The following SLC39A14 variants were observed in gnomAD, a reference collection of about 807,000 sequenced individuals.
The protein encoded by SLC39A14 is metal cation symporter ZIP14.
A neutral mutation model predicts 45.5 loss-of-function variants in SLC39A14; 19 were observed. The ratio of observed to expected loss-of-function variants is 0.42; its 90% CI spans 0.29 to 0.61. The LOEUF (loss-of-function observed/expected upper bound fraction) is 0.61, where lower values mean the gene tolerates loss of function less well. SLC39A14 is among the 20% of genes least tolerant of loss of function. The pLI is 0.22. For missense variants in SLC39A14, 447 were observed against 616.5 expected (o/e 0.73, Z 2.91); for synonymous variants, 264 against 251.3 (o/e 1.05, Z -0.48).
intron 2 of SLC39A14, among the ~76,000 whole-genome samples, chr8:22,407,522 G>A (rs1375111938): frequency 2.8e-4 from 43 of 151,646 alleles, no homozygotes; most frequent in Admixed American, 2.1e-3. Flanking sequence ...TACCACGCCC[G>A]GCTAATTTTT....
Position 22,420,925 on chromosome 8 carries a change from TTGAATA to T in SLC39A14, c.*1233_*1238del. On this transcript the variant is annotated 3_prime_UTR_variant, in exon 9 of 9. Coordinates refer to ENST00000381237, the MANE Select transcript of SLC39A14 (RefSeq NM_001128431.4). ...AAAAAAAGTCGAATCCTGCATTGAA[TTGAATA>T]TGAATTTCTCTAACTCTCTCCAGAA... The T allele has an allele frequency of 1.0e-6, 1 of 985,822 alleles. No homozygotes were observed. Among genetic ancestry groups the T allele is most frequent in the Non-Finnish European group, 1.2e-6 (1 of 829,932 alleles). 61.1% of individuals were successfully genotyped at this position (985,822 alleles called of 1,614,324 possible). A position where few individuals can be genotyped will look rare whatever the true frequency, so the allele number is the denominator to read the frequency against.
intron 2 of SLC39A14, among the ~76,000 whole-genome samples, chr8:22,407,863 G>A (rs913216918): frequency 4.6e-5 from 7 of 151,674 alleles, no homozygotes; most frequent in South Asian, 4.2e-4. Context: ...GGTATGTGCC[G>A]CCACACCTCA....
chr8:22,431,820 C>A (rs373478837), intron 8 of SLC39A14, among the ~76,000 whole-genome samples: 41 of 152,304 alleles, frequency 2.7e-4, no homozygotes, highest in African/African-American at 7.9e-4. Context: ...TCCAATGATT[C>A]TTGAGAATTG....
intron 1 of SLC39A14, among the ~76,000 whole-genome samples, chr8:22,368,757 C>T (rs1184497733): frequency 3.3e-5 from 5 of 151,966 alleles, no homozygotes; most frequent in South Asian, 2.1e-4. Flanking sequence ...AGGATGGTCT[C>T]GATCTCCTGA....
intron 1 of SLC39A14, among the ~76,000 whole-genome samples, chr8:22,373,765 GTTTTTT>G (rs10690749): frequency 7.2e-6 from 1 of 139,116 alleles, no homozygotes; most frequent in African/African-American, 2.6e-5. Context: ...TTGTTTTCTC[GTTTTTT>G]TTTTTTTTTC....
chr8:22,428,160 G>T (rs1171500154), intron 8 of SLC39A14, among the ~76,000 whole-genome samples: 1 of 152,100 alleles, frequency 6.6e-6, no homozygotes, highest in Non-Finnish European at 1.5e-5. Flanking sequence ...AGCTGGGTGT[G>T]GTGGCGCATG....
chr8:22,401,538 T>C (rs1173013300), intron 1 of SLC39A14, among the ~76,000 whole-genome samples: 3 of 129,966 alleles, frequency 2.3e-5, no homozygotes, highest in Admixed American at 1.5e-4. Flanking sequence ...CTTTCTCTTC[T>C]CTTTCTTTTT....
In SLC39A14 at chr8:22,412,140, G is replaced by A; in HGVS notation, c.561G>A (p.Leu187=). 6.4e-7 allele frequency: 1 copy of A among 1,551,726 alleles called. No homozygotes were observed. Among genetic ancestry groups the A allele is most frequent in the Non-Finnish European group, 8.7e-7 (1 of 1,147,008 alleles). Residue 187 remains leucine (L), a synonymous_variant, in exon 4 of 9, where the codon CTG becomes CTA. Transcript: ENST00000381237. The stretch of plus-strand genomic sequence containing the variant: ...AGAAGACCTTTTACAAGAGGCTGCT[G>A]CTCTACTTCATAGCTCTGGCGATTG... ...FMKKTFYKRL[L]LYFIALAIGT... is the part of the protein sequence containing the mutation.
At chr8:22,414,938 G>C in intron 5 of SLC39A14, 36 bp downstream of exon 5, 3 of 1,605,288 alleles carry the variant, frequency 1.9e-6, no homozygotes, top group Non-Finnish European at 2.5e-6. Context: ...AGCTCTTCTA[G>C]GGAAAACACC....
At chr8:22,406,221 G>A (rs547631458) in intron 2 of SLC39A14, among the ~76,000 whole-genome samples, 3 of 152,332 alleles carry the variant, frequency 2.0e-5, no homozygotes, top group Admixed American at 2.0e-4. Context: ...GGCCTAGGCA[G>A]GCAGATCACT....
intron 1 of SLC39A14, among the ~76,000 whole-genome samples, chr8:22,393,726 C>T (rs972588413): frequency 1.3e-5 from 2 of 152,148 alleles, no homozygotes; most frequent in African/African-American, 2.4e-5. Flanking sequence ...GGCTGGGGTG[C>T]GGTGGCACAG....
In SLC39A14 at chr8:22,422,285, A is replaced by C; in HGVS notation, c.*2587A>C. 9.1e-6 allele frequency: 9 copies of C among 985,626 alleles called. No homozygotes were observed. The highest frequency in any genetic ancestry group is 1.1e-5 in the Non-Finnish European group (9 of 829,934). The allele number at this position is 985,626 out of a possible 1,614,324, so 61.1% of individuals were successfully genotyped here. Reference sequence around the variant, plus strand: ...AGGGACAGGGGTTCTGCTCCTTCTCACTTCACCACCGGCACACAGCTTGCC... The same window carrying C: ...AGGGACAGGGGTTCTGCTCCTTCTCCCTTCACCACCGGCACACAGCTTGCC... On this transcript the variant is annotated 3_prime_UTR_variant, in exon 9 of 9. Coordinates refer to ENST00000381237, the MANE Select transcript of SLC39A14 (RefSeq NM_001128431.4).
chr8:22,398,428 TGAGTTGG>T (rs1834640942), intron 1 of SLC39A14: 1 of 152,288 alleles, frequency 6.6e-6, no homozygotes, highest in African/African-American at 2.4e-5. Context: ...GGAAATCGTC[TGAGTTGG>T]GCAAGTTTGT....
intron 8 of SLC39A14, 59 bp downstream of exon 8, chr8:22,417,894 G>A: frequency 6.9e-7 from 1 of 1,439,524 alleles, no homozygotes; most frequent in Non-Finnish European, 9.4e-7. Flanking sequence ...TGTTAGGTAG[G>A]TAGTTTTTTT....
At chr8:22,385,202 C>G (rs1299605735) in intron 1 of SLC39A14, among the ~76,000 whole-genome samples, 1 of 152,196 alleles carries the variant, frequency 6.6e-6, no homozygotes, top group Non-Finnish European at 1.5e-5. Flanking sequence ...CCTGCCCTCT[C>G]CCCAAGGTTG....
rs1239158693 is a variant in SLC39A14 at position 22,404,467 on chromosome 8, T to TTTTG, written c.-15-226_-15-225insGTTT. On this transcript the variant is annotated intron_variant, in intron 1 of 8. Coordinates refer to ENST00000381237, the MANE Select transcript of SLC39A14 (RefSeq NM_001128431.4). ...TCATAACCGCATTGCTGTTTGTTTTTTTTTTTTTCATTTTTCAATCTAGTC... is the reference window on the plus strand; with the variant it reads ...TCATAACCGCATTGCTGTTTGTTTTTTTTGTTTTTTTTCATTTTTCAATCTAGTC... The TTTTG allele has an allele frequency of 7.8e-5, 27 of 345,918 alleles. 2 individuals are homozygous for TTTTG. The highest frequency in any genetic ancestry group is 5.9e-4 in the African/African-American group (26 of 44,314). 21.4% of individuals were successfully genotyped at this position (345,918 alleles called of 1,614,324 possible).
At chr8:22,395,245 A>G (rs1457462265) in intron 1 of SLC39A14, among the ~76,000 whole-genome samples, 1 of 152,050 alleles carries the variant, frequency 6.6e-6, no homozygotes, top group East Asian at 1.9e-4. Flanking sequence ...CCTGACCTCA[A>G]GTGAGCCACT....
At chr8:22,432,181 A>G in intron 8 of SLC39A14, among the ~76,000 whole-genome samples, 1 of 152,008 alleles carries the variant, frequency 6.6e-6, no homozygotes, top group Non-Finnish European at 1.5e-5. Context: ...AAAAGAAAAA[A>G]ATAGCTGGAC....
intron 1 of SLC39A14, among the ~76,000 whole-genome samples, chr8:22,399,226 C>T (rs1038675516): frequency 5.3e-5 from 8 of 152,318 alleles, no homozygotes; most frequent in East Asian, 1.9e-4. Context: ...GGGCCATGCG[C>T]GCGGACCCCT....
Sources: gnomAD v4.1 joint callset for allele counts (sites outside exome capture counted in the v4.1 genomes callset) on GRCh38, gnomAD v4.1.1 for gene constraint, MANE v1.5 for transcripts, NCBI Gene and HGNC (gene_info 2026-07-23, HGNC 2026-07-21) for gene names.